Variants in EIF4G3 observed in about 807,000 individuals in gnomAD.
The protein encoded by EIF4G3 is eIF-4-gamma 3.
In EIF4G3, 34 loss-of-function variants were observed where a neutral mutation model predicts 186.4. The ratio of observed to expected loss-of-function variants is 0.18; its 90% CI spans 0.14 to 0.24. The LOEUF (loss-of-function observed/expected upper bound fraction) is 0.24, where lower values mean the gene tolerates loss of function less well. Among genes scored for constraint, EIF4G3 ranks in the 10% least tolerant of loss-of-function variants. The pLI is 1.00. For missense variants in EIF4G3, 1,536 were observed against 1,948.5 expected, an observed-to-expected ratio of 0.79 and a Z score of 3.99; for synonymous variants, 673 against 679.5, an observed-to-expected ratio of 0.99 and a Z score of 0.15.
intron 4 of EIF4G3, among the ~76,000 whole-genome samples, chr1:21,009,508 A>G (rs1310784245): frequency 2.0e-5 from 3 of 151,920 alleles, no homozygotes; most frequent in Non-Finnish European, 4.4e-5. Flanking sequence ...TAGATATTAT[A>G]GGGTACAAAT....
intron 2 of EIF4G3, among the ~76,000 whole-genome samples, chr1:21,160,182 G>T (rs1390846656): frequency 6.7e-6 from 1 of 150,302 alleles, no homozygotes; most frequent in Non-Finnish European, 1.5e-5. Context: ...GATGGCCAAA[G>T]CTAGAACAAT....
chr1:21,025,986 TAC>T (rs1362673619), intron 4 of EIF4G3, among the ~76,000 whole-genome samples: 4 of 152,170 alleles, frequency 2.6e-5, no homozygotes, highest in Non-Finnish European at 5.9e-5. Context: ...CAAAGTGACT[TAC>T]AGATTCAATG....
At chr1:20,911,956 T>C (rs2093291844) in intron 14 of EIF4G3, among the ~76,000 whole-genome samples, 1 of 151,924 alleles carries the variant, frequency 6.6e-6, no homozygotes, top group South Asian at 2.1e-4. Context: ...AAATAAAATA[T>C]ACTGCACTCC....
chr1:21,003,445 C>T (rs2084147153), intron 4 of EIF4G3: 1 of 167,336 alleles, frequency 6.0e-6, no homozygotes, highest in East Asian at 1.8e-4. Context: ...TACCATAAAT[C>T]TCCTGATAAA....
chr1:21,002,440 C>T (rs1231367496), intron 5 of EIF4G3, among the ~76,000 whole-genome samples: 1 of 152,116 alleles, frequency 6.6e-6, no homozygotes, highest in Non-Finnish European at 1.5e-5. Flanking sequence ...AACTTGAATG[C>T]AACCAGACTT....
chr1:21,066,858 G>A (rs1035309897), intron 3 of EIF4G3, among the ~76,000 whole-genome samples: 5 of 152,118 alleles, frequency 3.3e-5, no homozygotes, highest in African/African-American at 7.2e-5. Flanking sequence ...TTAGTTAAAC[G>A]TGGTCCATAT....
chr1:20,853,529 C>A, intron 27 of EIF4G3, 31 bp downstream of exon 27: 1 of 1,492,706 alleles, frequency 6.7e-7, no homozygotes, highest in South Asian at 1.1e-5. Context: ...GCGGGCCAGC[C>A]TTGAGTAGAC....
At chr1:20,813,388 C>T (rs2059644031) in intron 34 of EIF4G3, 149 bp from the exon 35 acceptor site, 1 of 306,300 alleles carries the variant, frequency 3.3e-6, no homozygotes, top group Non-Finnish European at 5.7e-6. Flanking sequence ...TATAGTAAGA[C>T]CCTATCTCTT....
chr1:21,081,432 C>A (rs1406059866), intron 3 of EIF4G3, among the ~76,000 whole-genome samples: 7 of 151,984 alleles, frequency 4.6e-5, no homozygotes, highest in Non-Finnish European at 1.5e-5. Flanking sequence ...GACTCCATCT[C>A]AAAATATATA....
chr1:20,918,286 T>C (rs2094132325), intron 14 of EIF4G3, among the ~76,000 whole-genome samples: 1 of 152,188 alleles, frequency 6.6e-6, no homozygotes, highest in African/African-American at 2.4e-5. Context: ...CACGGCTCAC[T>C]ACACTCTTGA....
chr1:21,012,296 A>G (rs778317196), intron 4 of EIF4G3, among the ~76,000 whole-genome samples: 2 of 152,168 alleles, frequency 1.3e-5, no homozygotes, highest in African/African-American at 2.4e-5. Context: ...CACATTGCTT[A>G]GAGGCACCTG....
At chr1:21,124,448 G>A (rs1037723910) in intron 2 of EIF4G3, among the ~76,000 whole-genome samples, 1 of 152,144 alleles carries the variant, frequency 6.6e-6, no homozygotes, top group African/African-American at 2.4e-5. Context: ...CAGCAAAGCT[G>A]ATACTTTATT....
At chr1:21,014,348 G>A (rs1482907402) in intron 4 of EIF4G3, among the ~76,000 whole-genome samples, 1 of 152,182 alleles carries the variant, frequency 6.6e-6, no homozygotes, top group African/African-American at 2.4e-5. Flanking sequence ...GTTCAGGAGT[G>A]CATGTGCAGC....
intron 31 of EIF4G3, 127 bp downstream of exon 31, chr1:20,829,009 CAGAAGTCTTAA>C: frequency 1.1e-6 from 1 of 890,350 alleles, no homozygotes; most frequent in South Asian, 1.8e-5. Context: ...ACACTGAAAT[CAGAAGTCTTAA>C]AGAGTCACAG....
At chr1:21,157,505 AT>A (rs982242852) in intron 2 of EIF4G3, among the ~76,000 whole-genome samples, 5 of 147,614 alleles carry the variant, frequency 3.4e-5, no homozygotes, top group Admixed American at 6.8e-5. Flanking sequence ...CACCTGGCTA[AT>A]TTTTTTTTTG....
At chr1:21,009,821 A>G (rs1431332085) in intron 4 of EIF4G3, among the ~76,000 whole-genome samples, 1 of 151,634 alleles carries the variant, frequency 6.6e-6, no homozygotes, top group Non-Finnish European at 1.5e-5. Context: ...CACCCTGCTA[A>G]TTTTTCTATT....
Position 21,023,830 on chromosome 1 carries a change from C to G in EIF4G3, c.-66-21022G>C, listed in dbSNP as rs1391076252. On this transcript the variant is annotated intron_variant, in intron 4 of 36. Coordinates refer to ENST00000602326, the MANE Select transcript of EIF4G3 (RefSeq NM_001391906.1). ...GAAGTGAGGAGCGCCTCTTCCCGGC[C>G]GCCATCACATCTACGAAGTGAGGAG... 2.8e-5 allele frequency among the ~76,000 whole-genome samples: 4 copies of G among 144,912 alleles called. No homozygotes were observed. The South Asian group carries it at 6.7e-4, about 24-fold the overall frequency.
intron 12 of EIF4G3, among the ~76,000 whole-genome samples, chr1:20,968,581 G>T (rs1362916421): frequency 3.9e-5 from 6 of 152,108 alleles, no homozygotes; most frequent in African/African-American, 1.4e-4. Flanking sequence ...AAACAAGAAA[G>T]TAACATCTTA....
At chr1:20,969,383 A>G in intron 12 of EIF4G3, 91 bp downstream of exon 12, 1 of 1,452,738 alleles carries the variant, frequency 6.9e-7, no homozygotes, top group South Asian at 1.3e-5. Context: ...GATGGAAATG[A>G]AAAGTACAGA....
Sources: gnomAD v4.1 joint callset for allele counts (sites outside exome capture counted in the v4.1 genomes callset) on GRCh38, gnomAD v4.1.1 for gene constraint, MANE v1.5 for transcripts, NCBI Gene and HGNC (gene_info 2026-07-23, HGNC 2026-07-21) for gene names.